The following GADL1 variants were observed in gnomAD, a reference collection of about 807,000 sequenced individuals.
GADL1 encodes acidic amino acid decarboxylase GADL1.
Under a neutral mutation model 69.5 loss-of-function variants are expected in GADL1, and 71 were observed. The observed-to-expected ratio is 1.02, with a 90% confidence interval of 0.84 to 1.25. The LOEUF is 1.25. GADL1 is among the 50% of genes most tolerant of loss of function. The pLI is 0.00. For synonymous variants in GADL1, 254 were observed against 214.4 expected (o/e 1.18, Z -1.62); for missense variants, 737 against 631.8 (o/e 1.17, Z -1.79).
chr3:30,740,335 G>T (rs1695599099), intron 14 of GADL1, among the ~76,000 whole-genome samples: 1 of 152,116 alleles, frequency 6.6e-6, no homozygotes, highest in African/African-American at 2.4e-5. Flanking sequence ...TCAGCTAAGG[G>T]AATTCCTACA....
rs201116887 is a variant in GADL1 at position 30,801,055 on chromosome 3, A to G, written c.1084T>C (p.Ser362Pro). ...LLKKCYSAKA[S>P]YLFQQDKFYD... ...AATTTATCCTGCTGGAAGAGGTAAG[A>G]TGCCTTGGCAGAGTAGCATTTTTTA... Residue 362 changes from serine to proline, a missense_variant, in exon 12 of 15, where the codon TCT becomes CCT. Transcript: ENST00000282538. 6.8e-6 allele frequency: 11 copies of G among 1,613,778 alleles called. No homozygotes were observed. The highest frequency in any genetic ancestry group is 1.7e-5 in the Admixed American group (1 of 59,988).
chr3:30,829,354 A>G (rs895501009), intron 11 of GADL1, among the ~76,000 whole-genome samples: 1 of 151,938 alleles, frequency 6.6e-6, no homozygotes, highest in African/African-American at 2.4e-5. Flanking sequence ...CTACCAGTCA[A>G]TCAGGAAATC....
At chr3:30,879,509 T>G (rs1698616656) in intron 1 of GADL1, among the ~76,000 whole-genome samples, 1 of 151,872 alleles carries the variant, frequency 6.6e-6, no homozygotes, top group South Asian at 2.1e-4. Context: ...TGCAAGGTGA[T>G]CTCCTCCAAG....
At chr3:30,852,644 A>T (rs1352358547) in intron 4 of GADL1, among the ~76,000 whole-genome samples, 3 of 82,072 alleles carry the variant, frequency 3.7e-5, no homozygotes, top group South Asian at 4.7e-4. Flanking sequence ...CTTTCATAAT[A>T]AAAAAAAAAA....
At chr3:30,729,028 C>T (rs9819044) in intron 14 of GADL1, among the ~76,000 whole-genome samples, 40,898 of 151,894 alleles carry the variant, frequency 0.27, 5,909 homozygotes, top group Non-Finnish European at 0.33. Flanking sequence ...ATATTATTCT[C>T]ATATATGAAA....
chr3:30,741,496 A>C (rs910926458), intron 14 of GADL1, among the ~76,000 whole-genome samples: 1 of 151,970 alleles, frequency 6.6e-6, no homozygotes, highest in South Asian at 2.1e-4. Flanking sequence ...TGTAAGACTG[A>C]TCTGTCTATT....
chr3:30,817,088 T>A (rs1184914494), intron 11 of GADL1, among the ~76,000 whole-genome samples: 1 of 152,134 alleles, frequency 6.6e-6, no homozygotes, highest in Non-Finnish European at 1.5e-5. Context: ...ACAAAATCCA[T>A]GAACCCATTA....
In GADL1 at chr3:30,838,998, T is replaced by TC; in HGVS notation, c.901dup (p.Asp301GlyfsTer25). The TC allele has an allele frequency of 6.4e-7, 1 of 1,570,498 alleles. No individual in the cohort carries two copies. The highest frequency in any genetic ancestry group is 1.2e-5 in the South Asian group (1 of 86,388). On this transcript the variant is annotated frameshift_variant and splice_region_variant, in exon 9 of 15. Coordinates refer to ENST00000282538, the MANE Select transcript of GADL1 (RefSeq NM_207359.3). LOFTEE classifies it high-confidence loss of function. ...GTATGTACACATAAATGAACTTACATCTACATGAAGCCAGAGGCTGTGCCT... is the reference window on the plus strand; with the variant it reads ...GTATGTACACATAAATGAACTTACATCCTACATGAAGCCAGAGGCTGTGCCT...
intron 14 of GADL1, among the ~76,000 whole-genome samples, chr3:30,769,655 C>T (rs1696371537): frequency 1.3e-5 from 2 of 152,272 alleles, no homozygotes; most frequent in South Asian, 4.1e-4. Flanking sequence ...TTCTTGGAAT[C>T]CGGAAAGGAG....
At position 30,850,120 on chromosome 3, in the gene GADL1, A is replaced by C. The variant is rs1057445273; in HGVS notation, c.536-9T>G. On this transcript the variant is annotated splice_polypyrimidine_tract_variant and intron_variant, in intron 5 of 14. Coordinates refer to ENST00000282538, the MANE Select transcript of GADL1 (RefSeq NM_207359.3). The stretch of plus-strand genomic sequence containing the variant: ...ATTGGACACTGAGCCACCTGCAAAA[A>C]CAAAATTAAAATGGCATATTTATAG... 9 of 1,458,322 alleles carry C rather than the reference A, an allele frequency of 6.2e-6. No homozygotes were observed. Among genetic ancestry groups the C allele is most frequent in the Admixed American group, 3.3e-5 (2 of 59,740 alleles). The allele number at this position is 1,458,322 out of a possible 1,614,324, so 90.3% of individuals were successfully genotyped here.
chr3:30,805,601 G>C (rs1178445621), intron 11 of GADL1, among the ~76,000 whole-genome samples: 2 of 152,068 alleles, frequency 1.3e-5, no homozygotes, highest in African/African-American at 4.8e-5. Context: ...TCCGTAGGTT[G>C]TATATTCTCC....
chr3:30,803,799 T>A (rs1697203661), intron 11 of GADL1, among the ~76,000 whole-genome samples: 1 of 152,208 alleles, frequency 6.6e-6, no homozygotes, highest in African/African-American at 2.4e-5. Context: ...GAGATGTCCT[T>A]TAGTTTTAAG....
At chr3:30,739,609 C>T (rs1695588569) in intron 14 of GADL1, among the ~76,000 whole-genome samples, 1 of 152,158 alleles carries the variant, frequency 6.6e-6, no homozygotes, top group African/African-American at 2.4e-5. Flanking sequence ...TCATGTTTTA[C>T]TGCACTTCTT....
intron 1 of GADL1, among the ~76,000 whole-genome samples, chr3:30,862,582 T>C (rs1698337344): frequency 1.3e-5 from 2 of 151,934 alleles, no homozygotes; most frequent in Non-Finnish European, 1.5e-5. Context: ...CCTTACACAA[T>C]TTATTTTCCT....
intron 3 of GADL1, among the ~76,000 whole-genome samples, chr3:30,855,887 A>G (rs1469500567): frequency 1.4e-5 from 2 of 147,238 alleles, no homozygotes; most frequent in African/African-American, 2.5e-5. Context: ...TCAAAAGAAA[A>G]TGTCTTTTCA....
Position 30,838,906 on chromosome 3 carries a change from C to T in GADL1, c.903+91G>A. ...GACACAAACAAAAGCGTTGGGGACT[C>T]CACATCTAGTTTCTGAGAATAAGAA... On this transcript the variant is annotated intron_variant, in intron 9 of 14. Transcript: ENST00000282538. 3 of 713,270 alleles carry T rather than the reference C, an allele frequency of 4.2e-6. No individual in the cohort carries two copies. In the South Asian group the frequency reaches 5.6e-5, roughly 13 times the overall value. The allele number at this position is 713,270 out of a possible 1,614,324, so 44.2% of individuals were successfully genotyped here.
Position 30,825,803 on chromosome 3 carries a change from A to T in GADL1, c.1050+8050T>A, listed in dbSNP as rs74524934. Reference sequence around the variant, plus strand: ...GGGGAACAAGGGGAGGGAGAGCATTACAACAAATACCTAACACATGCAAGG... The same window carrying T: ...GGGGAACAAGGGGAGGGAGAGCATTTCAACAAATACCTAACACATGCAAGG... On this transcript the variant is annotated intron_variant, in intron 11 of 14. Transcript: ENST00000282538. 3.5e-3 allele frequency among the ~76,000 whole-genome samples: 531 copies of T among 152,028 alleles called. 4 individuals are homozygous for T. Among genetic ancestry groups the T allele is most frequent in the Non-Finnish European group, 5.8e-3 (394 of 67,912 alleles).
At chr3:30,850,186 G>T (rs1698128280) in intron 5 of GADL1, 75 bp from the exon 6 acceptor site, 2 of 798,930 alleles carry the variant, frequency 2.5e-6, no homozygotes, top group Admixed American at 3.8e-5. Context: ...ACAGTGGAAA[G>T]CATGAATGGC....
chr3:30,764,408 G>T (rs1461073), intron 14 of GADL1, among the ~76,000 whole-genome samples: 1 of 152,006 alleles, frequency 6.6e-6, no homozygotes, highest in Non-Finnish European at 1.5e-5. Flanking sequence ...TAAGAAAAGC[G>T]AAACTACAAG....
Sources: gnomAD v4.1 joint callset for allele counts (sites outside exome capture counted in the v4.1 genomes callset) on GRCh38, gnomAD v4.1.1 for gene constraint, MANE v1.5 for transcripts, NCBI Gene and HGNC (gene_info 2026-07-23, HGNC 2026-07-21) for gene names.